The following USP32 variants were observed in gnomAD, a reference collection of about 807,000 sequenced individuals.
USP32 encodes the protein ubiquitin carboxyl-terminal hydrolase 32.
A neutral mutation model predicts 204.8 loss-of-function variants in USP32; 59 were observed. That is an observed-to-expected ratio of 0.29 (90% confidence interval 0.23 to 0.36). The LOEUF (loss-of-function observed/expected upper bound fraction) is 0.36. Among genes scored for constraint, USP32 ranks in the 10% least tolerant of loss-of-function variants. The probability of loss-of-function intolerance (pLI) is 1.00; values close to 1 mark genes in which losing one functional copy is unlikely to be tolerated. For synonymous variants in USP32, 517 were observed against 678.4 expected (o/e 0.76, Z 3.70); for missense variants, 1,160 against 1,946.4 (o/e 0.60, Z 7.60).
At position 60,212,012 on chromosome 17, in the gene USP32, C is replaced by G. The variant is rs1041981907; in HGVS notation, c.2179+12G>C. 2 of 1,545,724 alleles carry G rather than the reference C, an allele frequency of 1.3e-6. No homozygotes were observed. The highest frequency in any genetic ancestry group is 2.8e-5 in the African/African-American group (2 of 72,516). ...AAAATAATCTCTTTAAAAAATAATA[C>G]TGGAGACTTACCCTTGTGTCTATCT... On this transcript the variant is annotated intron_variant, in intron 19 of 33. Coordinates refer to ENST00000300896, the MANE Select transcript of USP32 (RefSeq NM_032582.4).
chr17:60,422,320 C>A, exon 1 of USP32: 1 of 664,282 alleles, frequency 1.5e-6, no homozygotes, highest in Non-Finnish European at 2.3e-6. Flanking sequence ...CTGCTGTGCG[C>A]TCTGCCAAAG....
At chr17:60,285,020 C>T (rs2087075074) in intron 5 of USP32, among the ~76,000 whole-genome samples, 1 of 152,144 alleles carries the variant, frequency 6.6e-6, no homozygotes, top group Admixed American at 6.5e-5. Flanking sequence ...ACTGCAATAC[C>T]CTTAATTGCA....
intron 3 of USP32, among the ~76,000 whole-genome samples, chr17:60,295,128 G>A (rs1258356578): frequency 2.6e-5 from 4 of 151,850 alleles, no homozygotes; most frequent in Admixed American, 1.3e-4. Context: ...GCAAAATCTA[G>A]TAAAGGTCAA....
intron 11 of USP32, chr17:60,249,683 C>T: frequency 1.4e-6 from 1 of 697,920 alleles, no homozygotes; most frequent in Non-Finnish European, 2.6e-6. Context: ...CCATTGTTCT[C>T]ACCAAGGATT....
At chr17:60,306,547 A>T (rs1281869177) in intron 2 of USP32, among the ~76,000 whole-genome samples, 1 of 152,104 alleles carries the variant, frequency 6.6e-6, no homozygotes, top group Non-Finnish European at 1.5e-5. Flanking sequence ...CTGAGGCAGG[A>T]GAATCACTTG....
intron 1 of USP32, among the ~76,000 whole-genome samples, chr17:60,415,413 T>C (rs1380380017): frequency 1.3e-5 from 2 of 152,226 alleles, no homozygotes; most frequent in African/African-American, 4.8e-5. Flanking sequence ...GTGTCTCCAT[T>C]TGAAGGCTTC....
At chr17:60,275,866 C>A (rs1190443645) in intron 5 of USP32, among the ~76,000 whole-genome samples, 2 of 151,208 alleles carry the variant, frequency 1.3e-5, no homozygotes, top group Non-Finnish European at 2.9e-5. Context: ...CACCTGCCAC[C>A]ATGCCTGGCT....
intron 1 of USP32, among the ~76,000 whole-genome samples, chr17:60,370,247 C>A (rs145933280): frequency 4.0e-5 from 6 of 151,670 alleles, no homozygotes; most frequent in Non-Finnish European, 8.8e-5. Flanking sequence ...TCTTTAAGAA[C>A]TAAAATGATG....
intron 1 of USP32, among the ~76,000 whole-genome samples, chr17:60,357,392 G>T (rs112743613): frequency 6.6e-6 from 1 of 152,178 alleles, no homozygotes; most frequent in African/African-American, 2.4e-5. Context: ...GTTGGAGGCT[G>T]CAGTGAGCTA....
intron 21 of USP32, among the ~76,000 whole-genome samples, 186 bp from the exon 22 acceptor site, chr17:60,209,729 C>T (rs2084911702): frequency 1.3e-5 from 2 of 152,070 alleles, no homozygotes; most frequent in East Asian, 1.9e-4. Flanking sequence ...AATGACCCCC[C>T]CCAAAAAAAG....
intron 1 of USP32, among the ~76,000 whole-genome samples, chr17:60,375,120 A>G (rs541844419): frequency 6.6e-6 from 1 of 152,326 alleles, no homozygotes; most frequent in Non-Finnish European, 1.5e-5. Flanking sequence ...TAAGTTTTAC[A>G]AAAGTGCTGT....
At chr17:60,338,252 G>A (rs2088571382) in intron 2 of USP32, among the ~76,000 whole-genome samples, 1 of 150,798 alleles carries the variant, frequency 6.6e-6, no homozygotes, top group Non-Finnish European at 1.5e-5. Flanking sequence ...TTGAACCTGG[G>A]AACTGGAGGT....
At position 60,280,285 on chromosome 17, in the gene USP32, C is replaced by T. The variant is rs191916296; in HGVS notation, c.571+8238G>A. Among the ~76,000 whole-genome samples, 715 of 152,054 alleles carry T rather than the reference C, an allele frequency of 4.7e-3. 6 individuals are homozygous for T. The highest frequency in any genetic ancestry group is 0.017 in the African/African-American group (690 of 41,478). On this transcript the variant is annotated intron_variant, in intron 5 of 33. Coordinates refer to ENST00000300896, the MANE Select transcript of USP32 (RefSeq NM_032582.4). ...CTAACTTTTGTATTTTTAGTAGAGA[C>T]GGGGTTTCACCATGTTGCCCAGGCT...
Position 60,236,118 on chromosome 17 carries a change from T to C in USP32, c.1239+20A>G, listed in dbSNP as rs773542857. ...CTGAAAATCCTGTGAAAAATGTAAA[T>C]AGACAGGAATCTAACTCACGTATTT... On this transcript the variant is annotated intron_variant, in intron 12 of 33. Coordinates refer to ENST00000300896, the MANE Select transcript of USP32 (RefSeq NM_032582.4). The C allele has an allele frequency of 5.0e-6, 8 of 1,600,606 alleles. No homozygotes were observed. Among genetic ancestry groups the C allele is most frequent in the South Asian group, 1.1e-5 (1 of 90,590 alleles).
chr17:60,236,354 T>C (rs1385710611), intron 11 of USP32, 114 bp from the exon 12 acceptor site: 2 of 779,552 alleles, frequency 2.6e-6, no homozygotes, highest in East Asian at 5.6e-5. Flanking sequence ...TAGATGTAAT[T>C]AGGAGAGACT....
At chr17:60,217,307 T>TA (rs1261721331) in intron 16 of USP32, among the ~76,000 whole-genome samples, 3 of 152,108 alleles carry the variant, frequency 2.0e-5, no homozygotes, top group Non-Finnish European at 4.4e-5. Flanking sequence ...CTTTTATATA[T>TA]TTTTTTGAGA....
intron 2 of USP32, among the ~76,000 whole-genome samples, chr17:60,325,733 C>G (rs1244752161): frequency 6.6e-6 from 1 of 151,998 alleles, no homozygotes; most frequent in Admixed American, 6.6e-5. Flanking sequence ...TCAACACCAG[C>G]CTGGGCAACA....
At chr17:60,268,014 T>C (rs2086638402) in intron 7 of USP32, among the ~76,000 whole-genome samples, 1 of 151,980 alleles carries the variant, frequency 6.6e-6, no homozygotes, top group African/African-American at 2.4e-5. Context: ...TTTCGCCATG[T>C]TGGCCAGGCT....
At chr17:60,283,072 C>G (rs1351679269) in intron 5 of USP32, among the ~76,000 whole-genome samples, 2 of 152,128 alleles carry the variant, frequency 1.3e-5, no homozygotes, top group Non-Finnish European at 2.9e-5. Context: ...TAAATTAACT[C>G]AAAGAGAAAT....
Sources: allele counts gnomAD v4.1 joint callset (sites outside exome capture counted in the v4.1 genomes callset), GRCh38; gene constraint gnomAD v4.1.1; transcripts MANE v1.5; gene names NCBI Gene and HGNC (gene_info 2026-07-23, HGNC 2026-07-21).